SGCZ: variants seen among roughly 807,000 people sequenced by gnomAD.
The protein encoded by SGCZ is sarcoglycan zeta.
SGCZ carries 40 observed loss-of-function variants against 41.3 expected under a neutral mutation model. The ratio of observed to expected loss-of-function variants is 0.97; its 90% CI spans 0.75 to 1.26. SGCZ has a LOEUF of 1.26. SGCZ is among the 50% of genes most tolerant of loss of function. The pLI is 0.00. For synonymous variants in SGCZ, 206 were observed against 137.5 expected, an observed-to-expected ratio of 1.50 and a Z score of -3.49; for missense variants, 552 against 369.8, an observed-to-expected ratio of 1.49 and a Z score of -4.04.
rs1471005074 is a variant in SGCZ at position 15,128,900 on chromosome 8, C to T, written c.39+108685G>A. Among the ~76,000 whole-genome samples, 4 of 152,268 alleles carry T rather than the reference C, an allele frequency of 2.6e-5. No individual in the cohort carries two copies. The East Asian group carries it at 5.8e-4, about 22-fold the overall frequency. On this transcript the variant is annotated intron_variant, in intron 1 of 7. Coordinates refer to ENST00000382080, the MANE Select transcript of SGCZ (RefSeq NM_139167.4). ...AGCTGATTTCAGAATAAAACATTCT[C>T]TTCTCTGCTGTCTGATCATACCACC... is the stretch of plus-strand genomic sequence containing the variant.
At chr8:15,140,168 G>C (rs978775727) in intron 1 of SGCZ, among the ~76,000 whole-genome samples, 2 of 151,968 alleles carry the variant, frequency 1.3e-5, no homozygotes, top group Non-Finnish European at 2.9e-5. Context: ...GTGCACACAG[G>C]TGTGCACCAC....
chr8:14,926,350 A>C (rs1446903571), intron 1 of SGCZ, among the ~76,000 whole-genome samples: 1 of 152,218 alleles, frequency 6.6e-6, no homozygotes, highest in Non-Finnish European at 1.5e-5. Flanking sequence ...ATTAAACTAA[A>C]CTATGTTGAT....
chr8:14,223,421 T>A (rs1806269945), intron 4 of SGCZ, among the ~76,000 whole-genome samples: 2 of 152,158 alleles, frequency 1.3e-5, no homozygotes, highest in Non-Finnish European at 2.9e-5. Context: ...ACTATAGAGT[T>A]CAGATTATTT....
chr8:14,717,970 C>G (rs13438960), intron 1 of SGCZ, among the ~76,000 whole-genome samples: 7 of 149,082 alleles, frequency 4.7e-5, no homozygotes, highest in Admixed American at 2.0e-4. Flanking sequence ...CTAGTAGAAC[C>G]TGGATAAATG....
chr8:14,697,265 G>A (rs771704879), intron 1 of SGCZ, among the ~76,000 whole-genome samples: 3 of 151,904 alleles, frequency 2.0e-5, no homozygotes, highest in Admixed American at 6.6e-5. Context: ...TTTACTACAT[G>A]CCAGAAATGA....
intron 1 of SGCZ, among the ~76,000 whole-genome samples, chr8:14,601,190 T>C (rs1805579154): frequency 6.6e-6 from 1 of 152,042 alleles, no homozygotes; most frequent in Admixed American, 6.6e-5. Flanking sequence ...TATAATTTAT[T>C]CATTTCACTG....
At chr8:14,651,313 A>T (rs1807391698) in intron 1 of SGCZ, among the ~76,000 whole-genome samples, 1 of 152,108 alleles carries the variant, frequency 6.6e-6, no homozygotes, top group South Asian at 2.1e-4. Flanking sequence ...TTAACATATT[A>T]TTTCCTTATT....
chr8:14,924,233 T>G (rs1264852045), intron 1 of SGCZ, among the ~76,000 whole-genome samples: 1 of 152,224 alleles, frequency 6.6e-6, no homozygotes, highest in African/African-American at 2.4e-5. Context: ...AGCCTCTAAC[T>G]TTAAGCATTT....
chr8:14,360,036 A>G (rs562250540), intron 2 of SGCZ, among the ~76,000 whole-genome samples: 1 of 152,302 alleles, frequency 6.6e-6, no homozygotes, highest in East Asian at 1.9e-4. Flanking sequence ...GTTAATGCTG[A>G]AAAAGCATTT....
chr8:15,050,152 A>G (rs544750184), intron 1 of SGCZ, among the ~76,000 whole-genome samples: 2 of 152,304 alleles, frequency 1.3e-5, no homozygotes, highest in South Asian at 2.1e-4. Context: ...TGTGTGGGTA[A>G]CAGAAAATGA....
chr8:14,179,520 C>G (rs1390781898), intron 4 of SGCZ, among the ~76,000 whole-genome samples: 1 of 152,154 alleles, frequency 6.6e-6, no homozygotes, highest in Admixed American at 6.5e-5. Context: ...TCTAGACTCT[C>G]TTTGCCCACC....
At chr8:15,057,122 C>G (rs1439441771) in intron 1 of SGCZ, among the ~76,000 whole-genome samples, 2 of 152,194 alleles carry the variant, frequency 1.3e-5, no homozygotes, top group Non-Finnish European at 2.9e-5. Context: ...GTGGGCCGAT[C>G]AGCACTAGGC....
chr8:14,198,316 TTATTA>T (rs1805340997), intron 4 of SGCZ, among the ~76,000 whole-genome samples: 1 of 152,170 alleles, frequency 6.6e-6, no homozygotes, highest in East Asian at 1.9e-4. Flanking sequence ...CAAGTAACCC[TTATTA>T]TACTCCATGA....
intron 2 of SGCZ, among the ~76,000 whole-genome samples, chr8:14,450,322 C>T (rs1039075551): frequency 3.9e-5 from 6 of 152,070 alleles, no homozygotes; most frequent in East Asian, 3.9e-4. Context: ...GCAAGTATTG[C>T]GGTATGCATA....
intron 1 of SGCZ, among the ~76,000 whole-genome samples, chr8:14,558,185 C>A (rs1007629058): frequency 2.0e-5 from 3 of 151,996 alleles, no homozygotes; most frequent in African/African-American, 7.2e-5. Context: ...AAATTACCAA[C>A]AAAAAGAGTC....
At chr8:14,799,995 C>A (rs1337948724) in intron 1 of SGCZ, among the ~76,000 whole-genome samples, 1 of 152,032 alleles carries the variant, frequency 6.6e-6, no homozygotes, top group Non-Finnish European at 1.5e-5. Flanking sequence ...TAATGTTTAA[C>A]AAGAAAAAAT....
At chr8:14,915,838 C>T (rs1369487581) in intron 1 of SGCZ, among the ~76,000 whole-genome samples, 3 of 152,130 alleles carry the variant, frequency 2.0e-5, no homozygotes, top group Admixed American at 1.3e-4. Context: ...CTCTCCTTAA[C>T]CCACCCACAT....
chr8:14,168,710 C>T (rs1055204229), intron 4 of SGCZ, among the ~76,000 whole-genome samples: 1 of 152,220 alleles, frequency 6.6e-6, no homozygotes, highest in South Asian at 2.1e-4. Flanking sequence ...CGGACTAATA[C>T]GCATTGTGAG....
chr8:15,129,382 A>G (rs1382287880), intron 1 of SGCZ, among the ~76,000 whole-genome samples: 2 of 152,116 alleles, frequency 1.3e-5, no homozygotes, highest in East Asian at 1.9e-4. Flanking sequence ...TAGCCTTCCT[A>G]TCCTCAAACT....
Sources: gnomAD v4.1 joint callset for allele counts (sites outside exome capture counted in the v4.1 genomes callset) on GRCh38, gnomAD v4.1.1 for gene constraint, MANE v1.5 for transcripts, NCBI Gene and HGNC (gene_info 2026-07-23, HGNC 2026-07-21) for gene names.